ABL2: variants seen among roughly 807,000 people sequenced by gnomAD.
ABL2 encodes tyrosine-protein kinase ABL2.
A neutral mutation model predicts 107.7 loss-of-function variants in ABL2; 49 were observed. That is an observed-to-expected ratio of 0.45 (90% CI 0.36 to 0.58). ABL2 has a LOEUF of 0.58. Ranked by LOEUF, ABL2 falls within the 20% of genes least tolerant of loss-of-function variation. The pLI, the probability that ABL2 is intolerant of heterozygous loss-of-function variation, is 0.00. For synonymous variants in ABL2, 549 were observed against 548.6 expected, an observed-to-expected ratio of 1.00 and a Z score of -0.01; for missense variants, 1,245 against 1,457.0, an observed-to-expected ratio of 0.85 and a Z score of 2.37.
chr1:179,143,817 C>G (rs1657799356), intron 1 of ABL2, among the ~76,000 whole-genome samples: 1 of 152,212 alleles, frequency 6.6e-6, no homozygotes, highest in Non-Finnish European at 1.5e-5. Context: ...CTGCCTCAGC[C>G]TCCCAGGTGA....
At chr1:179,123,277 G>A (rs1655396445) in intron 4 of ABL2, among the ~76,000 whole-genome samples, 2 of 152,122 alleles carry the variant, frequency 1.3e-5, no homozygotes, top group South Asian at 4.1e-4. Flanking sequence ...AGGCTGAGGT[G>A]GGCAGGTCAC....
intron 1 of ABL2, among the ~76,000 whole-genome samples, chr1:179,140,739 C>T (rs981956570): frequency 2.6e-5 from 4 of 152,206 alleles, no homozygotes; most frequent in African/African-American, 9.7e-5. Context: ...AACATTTAAA[C>T]TGGATGAACG....
Position 179,108,230 on chromosome 1 carries a change from G to A in ABL2, c.3037C>T (p.Gln1013Ter). The A allele has an allele frequency of 6.2e-7, 1 of 1,614,118 alleles. No individual in the cohort carries two copies. Among genetic ancestry groups the A allele is most frequent in the Non-Finnish European group, 8.5e-7 (1 of 1,180,022 alleles). Residue 1013 changes from glutamine (Q) to a stop codon, truncating the protein, a stop_gained, in exon 12 of 12, where the codon CAG (glutamine) becomes TAG (stop). Coordinates refer to ENST00000502732, the MANE Select transcript of ABL2 (RefSeq NM_007314.4). LOFTEE classifies it high-confidence loss of function. Reference sequence around the variant, plus strand: ...CCTTCCTGTGTTTCTGATGTGGACTGTCCTGCAGTTAGGGCAGTTGGCTCT... The same window carrying A: ...CCTTCCTGTGTTTCTGATGTGGACTATCCTGCAGTTAGGGCAGTTGGCTCT... ...TEEPTALTAG[Q>*]STSETQEGGK...
At chr1:179,190,809 C>T (rs1211582546) in intron 1 of ABL2, among the ~76,000 whole-genome samples, 1 of 151,952 alleles carries the variant, frequency 6.6e-6, no homozygotes, top group East Asian at 1.9e-4. Flanking sequence ...GCCGGGGAAA[C>T]GGAATAAAGA....
intron 8 of ABL2, chr1:179,117,032 T>C (rs891260243): frequency 8.0e-6 from 3 of 376,214 alleles, no homozygotes; most frequent in Admixed American, 3.7e-5. Flanking sequence ...GAGATGGGAG[T>C]TCACCATGTT....
chr1:179,130,589 G>T (rs915869614), intron 3 of ABL2, among the ~76,000 whole-genome samples: 1 of 152,146 alleles, frequency 6.6e-6, no homozygotes, highest in African/African-American at 2.4e-5. Context: ...ATAGATTAGT[G>T]AAAGGAATGG....
At chr1:179,170,041 AACG>A (rs2102771380) in intron 1 of ABL2, among the ~76,000 whole-genome samples, 1 of 152,208 alleles carries the variant, frequency 6.6e-6, no homozygotes, top group African/African-American at 2.4e-5. Flanking sequence ...CAACAACAAC[AACG>A]ACAACAACAA....
intron 1 of ABL2, among the ~76,000 whole-genome samples, chr1:179,207,967 CT>C (rs201709329): frequency 1.1e-4 from 17 of 151,160 alleles, no homozygotes; most frequent in Admixed American, 4.0e-4. Flanking sequence ...CTTAAATATC[CT>C]TTTTTTTTGA....
At chr1:179,169,504 A>T (rs1459228434) in intron 1 of ABL2, among the ~76,000 whole-genome samples, 2 of 151,712 alleles carry the variant, frequency 1.3e-5, no homozygotes, top group African/African-American at 4.8e-5. Context: ...GCCAAGATTG[A>T]ACCACTGCAC....
chr1:179,132,489 C>T (rs1483396163), intron 2 of ABL2, among the ~76,000 whole-genome samples: 2 of 152,012 alleles, frequency 1.3e-5, no homozygotes, highest in Non-Finnish European at 2.9e-5. Flanking sequence ...TATAACAACA[C>T]TTTTATGTCT....
At position 179,110,465 on chromosome 1, in the gene ABL2, A is replaced by C. The variant is rs771303071; in HGVS notation, c.1652-10T>G. 6.3e-7 allele frequency: 1 copy of C among 1,595,820 alleles called. No individual in the cohort carries two copies. The highest frequency in any genetic ancestry group is 1.1e-5 in the South Asian group (1 of 87,484). On this transcript the variant is annotated splice_polypyrimidine_tract_variant and intron_variant, in intron 10 of 11. Coordinates refer to ENST00000502732, the MANE Select transcript of ABL2 (RefSeq NM_007314.4). ...AGCTCCTCAGCTACCTCTGTGAGGA[A>C]GACAAGGGGACCAATAAAAAGAACA... is the stretch of plus-strand genomic sequence containing the variant.
At chr1:179,200,039 CTTTTTTTTTTT>C (rs55873652) in intron 1 of ABL2, among the ~76,000 whole-genome samples, 2 of 84,104 alleles carry the variant, frequency 2.4e-5, no homozygotes, top group African/African-American at 5.0e-5. Context: ...CCCCCAATGC[CTTTTTTTTTTT>C]TTTTTTTTTT....
chr1:179,110,384 G>C lies in ABL2; in HGVS notation c.1723C>G (p.Leu575Val), dbSNP rs1171025082. Reference protein sequence around the residue: ...VVPYLPRLPILPSKTRTLKKQ... With the variant: ...VVPYLPRLPIVPSKTRTLKKQ... ...TTCAGTGTCCGAGTCTTGGAAGGAAGTATAGGTAGCCGGGGCAGGTATGGA... is the reference window on the plus strand; with the variant it reads ...TTCAGTGTCCGAGTCTTGGAAGGAACTATAGGTAGCCGGGGCAGGTATGGA... Residue 575 changes from leucine (L) to valine (V), a missense_variant, in exon 11 of 12, where the codon CTT (leucine) becomes GTT (valine). By Grantham distance (32) the Leu-to-Val change is conservative. Around this residue, in one of 3 missense-constraint regions of ABL2, gnomAD observed 761 missense variants for 766.4 expected, o/e 0.99. Transcript: ENST00000502732. 7 of 1,614,116 alleles carry C rather than the reference G, an allele frequency of 4.3e-6. No homozygotes were observed. The highest frequency in any genetic ancestry group is 1.3e-5 in the African/African-American group (1 of 74,932).
At chr1:179,153,938 T>C (rs938048081) in intron 1 of ABL2, among the ~76,000 whole-genome samples, 1 of 152,194 alleles carries the variant, frequency 6.6e-6, no homozygotes, top group African/African-American at 2.4e-5. Flanking sequence ...TACATGTACA[T>C]GTGTATGTTT....
At chr1:179,120,142 G>A (rs1655046714) in intron 6 of ABL2, 48 bp downstream of exon 6, 1 of 1,302,082 alleles carries the variant, frequency 7.7e-7, no homozygotes, top group Non-Finnish European at 1.1e-6. Flanking sequence ...AGGGGTTAAA[G>A]GGCAAGCATT....
intron 1 of ABL2, among the ~76,000 whole-genome samples, chr1:179,218,661 G>A (rs1181429809): frequency 1.3e-5 from 2 of 152,176 alleles, no homozygotes; most frequent in African/African-American, 2.4e-5. Flanking sequence ...GCTTCCCAAA[G>A]CACTAGGATT....
intron 1 of ABL2, among the ~76,000 whole-genome samples, chr1:179,192,062 T>C (rs1661056827): frequency 6.6e-6 from 1 of 152,216 alleles, no homozygotes; most frequent in Non-Finnish European, 1.5e-5. Flanking sequence ...ACCATTCCCC[T>C]ACAGTCAAAA....
Position 179,121,702 on chromosome 1 carries a change from G to A in ABL2, c.853C>T (p.Arg285Ter), listed in dbSNP as rs1401377188. The A allele has an allele frequency of 6.2e-7, 1 of 1,614,028 alleles. No individual in the cohort carries two copies. ...SPIHDKWEME[R>*]TDITMKHKLG... ...TTGTGCTTCATGGTAATATCTGTTC[G>A]CTCCATTTCCCATTTGTCGTGGATG... The change falls in exon 5 of 12, where the codon CGA (arginine) becomes TGA (stop). Residue 285 changes from arginine (R) to a stop codon, truncating the protein, a stop_gained. Transcript: ENST00000502732. LOFTEE classifies it high-confidence loss of function.
At chr1:179,142,054 T>C (rs912151193) in intron 1 of ABL2, among the ~76,000 whole-genome samples, 5 of 152,348 alleles carry the variant, frequency 3.3e-5, no homozygotes, top group African/African-American at 1.2e-4. Context: ...GATTCAGATG[T>C]ACTGTATACG....
Sources: allele counts gnomAD v4.1 joint callset (sites outside exome capture counted in the v4.1 genomes callset), GRCh38; gene constraint gnomAD v4.1.1; regional missense constraint gnomAD v4.1.1; transcripts MANE v1.5; gene names NCBI Gene and HGNC (gene_info 2026-07-23, HGNC 2026-07-21).